Variants in FGF14 observed in about 807,000 individuals in gnomAD.
The protein encoded by FGF14 is fibroblast growth factor homologous factor 4.
Under a neutral mutation model 25.5 loss-of-function variants are expected in FGF14, and 5 were observed. The ratio of observed to expected loss-of-function variants is 0.20; its 90% CI spans 0.10 to 0.41. FGF14 has a LOEUF of 0.41. Among genes scored for constraint, FGF14 ranks in the 10% least tolerant of loss-of-function variants. The pLI is 1.00. For missense variants in FGF14, 222 were observed against 320.1 expected, an observed-to-expected ratio of 0.69 and a Z score of 2.34; for synonymous variants, 138 against 118.3, an observed-to-expected ratio of 1.17 and a Z score of -1.08.
chr13:102,071,094 T>C (rs572875471), intron 1 of FGF14, among the ~76,000 whole-genome samples: 2 of 152,302 alleles, frequency 1.3e-5, no homozygotes, highest in African/African-American at 4.8e-5. Flanking sequence ...TCAGCCAAAG[T>C]ACTTTCTCTC....
intron 1 of FGF14, among the ~76,000 whole-genome samples, chr13:102,203,261 C>A (rs1738967327): frequency 6.6e-6 from 1 of 152,160 alleles, no homozygotes; most frequent in African/African-American, 2.4e-5. Context: ...TAAATGTCAG[C>A]CCCTCAAAAG....
At chr13:102,146,060 G>A (rs1008286937) in intron 1 of FGF14, among the ~76,000 whole-genome samples, 1 of 152,170 alleles carries the variant, frequency 6.6e-6, no homozygotes, top group Non-Finnish European at 1.5e-5. Context: ...AATTACCCAG[G>A]AACTTTTATA....
At chr13:101,991,873 C>CTCA (rs2038927951) in intron 1 of FGF14, among the ~76,000 whole-genome samples, 1 of 152,114 alleles carries the variant, frequency 6.6e-6, no homozygotes, top group Admixed American at 6.6e-5. Context: ...GAAAAATCCC[C>CTCA]TCATGTTTCC....
At chr13:102,206,903 C>G (rs558211131) in intron 1 of FGF14, among the ~76,000 whole-genome samples, 1 of 152,186 alleles carries the variant, frequency 6.6e-6, no homozygotes, top group Middle Eastern at 3.4e-3. Flanking sequence ...ATTTGGGGCA[C>G]TATCTCATCT....
intron 1 of FGF14, among the ~76,000 whole-genome samples, chr13:102,302,587 C>T (rs1204224431): frequency 6.6e-6 from 1 of 152,120 alleles, no homozygotes; most frequent in East Asian, 1.9e-4. Context: ...TCCACTTAGA[C>T]ATCTCTTAAA....
At chr13:102,127,008 G>T (rs147453652) in intron 1 of FGF14, among the ~76,000 whole-genome samples, 93 of 152,268 alleles carry the variant, frequency 6.1e-4, no homozygotes, top group African/African-American at 2.2e-3. Flanking sequence ...GTAAGTAACT[G>T]CAGGGTCACT....
intron 1 of FGF14, among the ~76,000 whole-genome samples, chr13:102,288,564 T>C (rs1310671398): frequency 6.6e-6 from 1 of 152,008 alleles, no homozygotes; most frequent in African/African-American, 2.4e-5. Flanking sequence ...CTTTTCTCAT[T>C]TTTTTAAATT....
intron 1 of FGF14, among the ~76,000 whole-genome samples, chr13:102,101,182 A>T (rs956415320): frequency 6.6e-6 from 1 of 151,910 alleles, no homozygotes; most frequent in Admixed American, 6.6e-5. Context: ...TTTCTACTAT[A>T]TCCTGTGCTT....
rs2035062340 is a variant in FGF14 at position 101,722,506 on chromosome 13, TCAG to T, written c.*322_*324del. On this transcript the variant is annotated 3_prime_UTR_variant, in exon 5 of 5. Coordinates refer to ENST00000376143, the MANE Select transcript of FGF14 (RefSeq NM_004115.4). ...ACTCAAAAAGGATTATGGGTAGCTG[TCAG>T]CAGGCAAGGTATCGAGTGTACTTGT... is the stretch of plus-strand genomic sequence containing the variant. 1 of 383,286 alleles carries T rather than the reference TCAG, an allele frequency of 2.6e-6. No individual in the cohort carries two copies. The highest frequency in any genetic ancestry group is 6.0e-5 in the East Asian group (1 of 16,548). 23.7% of individuals were successfully genotyped at this position (383,286 alleles called of 1,614,324 possible). A position where few individuals can be genotyped will look rare whatever the true frequency, so the allele number is the denominator to read the frequency against.
At chr13:102,224,396 G>A (rs1280947744) in intron 1 of FGF14, among the ~76,000 whole-genome samples, 1 of 152,126 alleles carries the variant, frequency 6.6e-6, no homozygotes, top group African/African-American at 2.4e-5. Flanking sequence ...ATATTTCATT[G>A]TACTGTGTAA....
At chr13:101,902,243 C>T (rs1201165399) in intron 1 of FGF14, among the ~76,000 whole-genome samples, 1 of 151,948 alleles carries the variant, frequency 6.6e-6, no homozygotes, top group East Asian at 1.9e-4. Context: ...AGAGGTTTAT[C>T]GCTCCCTTTT....
At chr13:102,333,860 G>A (rs995262077) in intron 1 of FGF14, among the ~76,000 whole-genome samples, 17 of 152,264 alleles carry the variant, frequency 1.1e-4, no homozygotes, top group Admixed American at 9.2e-4. Context: ...GCCACCACAG[G>A]ATGTTTCTTA....
chr13:101,834,328 C>T (rs1377274159), intron 3 of FGF14, among the ~76,000 whole-genome samples: 3 of 152,058 alleles, frequency 2.0e-5, no homozygotes, highest in African/African-American at 7.2e-5. Flanking sequence ...GGTACCTTGA[C>T]TATGTCTCAT....
At chr13:102,115,286 C>A (rs2045416974) in intron 1 of FGF14, among the ~76,000 whole-genome samples, 1 of 152,172 alleles carries the variant, frequency 6.6e-6, no homozygotes, top group African/African-American at 2.4e-5. Flanking sequence ...TGTCCCCACC[C>A]TCTCTGTGCT....
At chr13:101,793,255 G>A (rs1028216387) in intron 3 of FGF14, among the ~76,000 whole-genome samples, 21 of 152,012 alleles carry the variant, frequency 1.4e-4, no homozygotes, top group African/African-American at 5.1e-4. Context: ...ACATATAAGT[G>A]AGAATAAAAG....
At chr13:101,854,923 A>T (rs2044044096) in intron 3 of FGF14, among the ~76,000 whole-genome samples, 1 of 152,074 alleles carries the variant, frequency 6.6e-6, no homozygotes, top group Non-Finnish European at 1.5e-5. Context: ...AAAATCCCTT[A>T]ACTATAACAA....
In FGF14 at chr13:102,311,474, C is replaced by T. The variant is rs1008277153; in HGVS notation, c.208+89997G>A. Among the ~76,000 whole-genome samples the T allele has an allele frequency of 2.6e-5, 4 of 152,212 alleles. 1 individual carries two copies. ...CTGCTGGCAAGAGTCCATCCTTCCCCACAGCTGAATCGGGCCGATTTAAAA... is the reference window on the plus strand; with the variant it reads ...CTGCTGGCAAGAGTCCATCCTTCCCTACAGCTGAATCGGGCCGATTTAAAA... On this transcript the variant is annotated intron_variant, in intron 1 of 4. Coordinates refer to the FGF14 transcript ENST00000376131.
chr13:102,159,014 C>T (rs533574767), intron 1 of FGF14, among the ~76,000 whole-genome samples: 2 of 151,788 alleles, frequency 1.3e-5, no homozygotes, highest in South Asian at 4.2e-4. Flanking sequence ...GTGGCATGCA[C>T]CTGTAATCCC....
chr13:101,783,240 G>C (rs571131089), intron 3 of FGF14, among the ~76,000 whole-genome samples: 7 of 152,030 alleles, frequency 4.6e-5, no homozygotes, highest in Non-Finnish European at 8.8e-5. Flanking sequence ...GGGAGGCTGA[G>C]GCGGGTGGAT....
Sources: gnomAD v4.1 joint callset for allele counts (sites outside exome capture counted in the v4.1 genomes callset) on GRCh38, gnomAD v4.1.1 for gene constraint, MANE v1.5 for transcripts, NCBI Gene and HGNC (gene_info 2026-07-23, HGNC 2026-07-21) for gene names.